Variants in PTPRD observed in about 807,000 individuals in gnomAD.
PTPRD encodes protein tyrosine phosphatase receptor type D.
PTPRD carries 34 observed loss-of-function variants against 214.5 expected under a neutral mutation model. The observed-to-expected ratio is 0.16, with a 90% CI of 0.12 to 0.21. The LOEUF is 0.21. Among genes scored for constraint, PTPRD ranks in the 10% least tolerant of loss-of-function variants. PTPRD has a pLI of 1.00. For synonymous variants in PTPRD, 1,128 were observed against 845.7 expected, an observed-to-expected ratio of 1.33 and a Z score of -5.79; for missense variants, 2,545 against 2,398.7, an observed-to-expected ratio of 1.06 and a Z score of -1.27.
At chr9:9,211,515 G>GCGCACACACA (rs990404545) in intron 9 of PTPRD, among the ~76,000 whole-genome samples, 17 of 143,654 alleles carry the variant, frequency 1.2e-4, no homozygotes, top group Non-Finnish European at 1.1e-4. Flanking sequence ...GTGTGCGCAC[G>GCGCACACACA]CACACACACA....
At chr9:9,631,693 T>A (rs1049335939) in intron 7 of PTPRD, among the ~76,000 whole-genome samples, 2 of 152,106 alleles carry the variant, frequency 1.3e-5, no homozygotes, top group African/African-American at 4.8e-5. Flanking sequence ...TCTAAGTGCA[T>A]CTTCTCCTGT....
chr9:9,134,670 G>A (rs112463176), intron 10 of PTPRD, among the ~76,000 whole-genome samples: 3 of 152,248 alleles, frequency 2.0e-5, no homozygotes, highest in African/African-American at 7.2e-5. Context: ...GGACACTCAT[G>A]GCTGCTTCCT....
chr9:8,533,907 G>GA (rs2076302389), intron 14 of PTPRD, among the ~76,000 whole-genome samples: 1 of 151,950 alleles, frequency 6.6e-6, no homozygotes, highest in Admixed American at 6.6e-5. Context: ...GCCACTCACT[G>GA]AAACAGTCAT....
At chr9:9,976,689 CAA>C (rs869096131) in intron 4 of PTPRD, among the ~76,000 whole-genome samples, 105 of 63,242 alleles carry the variant, frequency 1.7e-3, no homozygotes, top group African/African-American at 4.0e-3. Context: ...ACCCTGCCAC[CAA>C]AAAAAAAAAA....
intron 11 of PTPRD, among the ~76,000 whole-genome samples, chr9:8,946,182 T>C (rs980462278): frequency 6.6e-6 from 1 of 152,232 alleles, no homozygotes; most frequent in African/African-American, 2.4e-5. Context: ...CATCACTTGA[T>C]AGCCATTCCT....
chr9:9,960,293 T>C (rs1291480317), intron 4 of PTPRD, among the ~76,000 whole-genome samples: 1 of 150,096 alleles, frequency 6.7e-6, no homozygotes, highest in African/African-American at 2.5e-5. Flanking sequence ...GCCAAAGCTA[T>C]GACAGCTTGA....
chr9:9,421,931 A>AAAAC (rs780819691), intron 8 of PTPRD, among the ~76,000 whole-genome samples: 4 of 152,110 alleles, frequency 2.6e-5, no homozygotes, highest in Non-Finnish European at 5.9e-5. Flanking sequence ...TGGAGAATAA[A>AAAAC]AAACAAACAA....
intron 9 of PTPRD, among the ~76,000 whole-genome samples, chr9:9,293,270 A>G (rs1343878765): frequency 1.3e-5 from 2 of 151,352 alleles, no homozygotes; most frequent in Non-Finnish European, 3.0e-5. Context: ...TTTATTTTAT[A>G]CTTTGATAAT....
chr9:9,188,755 G>T (rs1047847877), intron 9 of PTPRD, among the ~76,000 whole-genome samples: 1 of 151,896 alleles, frequency 6.6e-6, no homozygotes, highest in South Asian at 2.1e-4. Flanking sequence ...GGTATTCTGT[G>T]GAATTATGAG....
At chr9:8,655,050 T>C (rs1433116223) in intron 12 of PTPRD, among the ~76,000 whole-genome samples, 5 of 152,086 alleles carry the variant, frequency 3.3e-5, no homozygotes, top group African/African-American at 9.7e-5. Context: ...GTAAATGTAA[T>C]TGGAATTAGA....
chr9:9,367,140 T>C (rs1158329849), intron 9 of PTPRD, among the ~76,000 whole-genome samples: 1 of 151,318 alleles, frequency 6.6e-6, no homozygotes, highest in Non-Finnish European at 1.5e-5. Flanking sequence ...TTACGTGGGG[T>C]TATTTATATT....
chr9:9,795,856 C>T (rs148590796), intron 5 of PTPRD, among the ~76,000 whole-genome samples: 1,821 of 151,938 alleles, frequency 0.012, 19 homozygotes, highest in Middle Eastern at 0.037. Flanking sequence ...GTAAAATTGC[C>T]ACTGACATAA....
intron 8 of PTPRD, among the ~76,000 whole-genome samples, chr9:9,552,292 A>T (rs892622619): frequency 6.6e-6 from 1 of 152,042 alleles, no homozygotes; most frequent in African/African-American, 2.4e-5. Flanking sequence ...AAGTGATTTT[A>T]ATTTCAAGTC....
At chr9:9,396,715 T>G (rs990994232) in intron 9 of PTPRD, among the ~76,000 whole-genome samples, 7 of 151,978 alleles carry the variant, frequency 4.6e-5, no homozygotes, top group African/African-American at 1.7e-4. Flanking sequence ...CGCAATTGAA[T>G]AAGAACAAAA....
intron 39 of PTPRD, among the ~76,000 whole-genome samples, chr9:8,345,664 T>C (rs953556141): frequency 2.6e-5 from 4 of 152,036 alleles, no homozygotes; most frequent in African/African-American, 9.7e-5. Flanking sequence ...CCCAAAATAA[T>C]TGTATCATGA....
intron 3 of PTPRD, among the ~76,000 whole-genome samples, chr9:10,206,395 C>T (rs2099479370): frequency 6.6e-6 from 1 of 152,078 alleles, no homozygotes. Flanking sequence ...AAGCCAACTC[C>T]CTCCCAATAG....
chr9:8,620,808 A>G, intron 14 of PTPRD, among the ~76,000 whole-genome samples: 1 of 152,126 alleles, frequency 6.6e-6, no homozygotes, highest in Non-Finnish European at 1.5e-5. Context: ...ATATTAAGCC[A>G]TGGAGGATTG....
chr9:9,321,213 G>C (rs1316382047), intron 9 of PTPRD, among the ~76,000 whole-genome samples: 9 of 152,152 alleles, frequency 5.9e-5, no homozygotes, highest in Admixed American at 4.6e-4. Context: ...TATACTATTT[G>C]GGCCCTAAAG....
intron 3 of PTPRD, among the ~76,000 whole-genome samples, chr9:10,136,654 T>A (rs2098946521): frequency 1.2e-5 from 1 of 85,738 alleles, no homozygotes; most frequent in Non-Finnish European, 2.3e-5. Flanking sequence ...GGACTTCATG[T>A]CCAAAACACC....
Sources: allele counts gnomAD v4.1 joint callset (sites outside exome capture counted in the v4.1 genomes callset), GRCh38; gene constraint gnomAD v4.1.1; transcripts MANE v1.5; gene names NCBI Gene and HGNC (gene_info 2026-07-23, HGNC 2026-07-21).